The following ANK2 variants were observed in gnomAD, a reference collection of about 807,000 sequenced individuals.
The protein encoded by ANK2 is ankyrin-2.
In ANK2, 83 loss-of-function variants were observed where a neutral mutation model predicts 360.5. That is an observed-to-expected ratio of 0.23 (90% CI 0.19 to 0.28). The LOEUF is 0.28. Ranked by LOEUF, ANK2 falls within the 10% of genes least tolerant of loss-of-function variation. The probability of loss-of-function intolerance (pLI) is 1.00; values close to 1 mark genes in which losing one functional copy is unlikely to be tolerated. For missense variants in ANK2, 4,201 were observed against 4,795.7 expected (o/e 0.88, Z 3.66); for synonymous variants, 1,740 against 1,759.5 (o/e 0.99, Z 0.28).
rs187332434 is a variant in ANK2, at chr4:112,936,432, G to T, written c.21+31918G>T. Among the ~76,000 whole-genome samples the T allele has an allele frequency of 1.4e-3, 212 of 149,966 alleles. 1 individual carries two copies. The highest frequency in any genetic ancestry group is 4.8e-3 in the African/African-American group (197 of 40,692). On this transcript the variant is annotated intron_variant, in intron 2 of 30. Transcript: ENST00000503271. The stretch of plus-strand genomic sequence containing the variant: ...GTGATCTCAGCTCACTGCAGCCTCC[G>T]CCTCCGGCGTTCAAGCGATCCTCCT...
intron 2 of ANK2, chr4:112,980,073 T>C (rs7697334): frequency 0.28 from 42,830 of 151,902 alleles, 6,489 homozygotes; most frequent in East Asian, 0.43. Flanking sequence ...GGGTTACCTT[T>C]AGGCCCAGGC....
intron 2 of ANK2, among the ~76,000 whole-genome samples, chr4:112,939,383 C>T (rs961120287): frequency 3.3e-5 from 5 of 151,026 alleles, no homozygotes; most frequent in Admixed American, 6.6e-5. Context: ...GATCTCGGCT[C>T]GCTGCAGCCT....
chr4:113,326,272 T>A (rs2089834203), intron 26 of ANK2, among the ~76,000 whole-genome samples: 1 of 152,234 alleles, frequency 6.6e-6, no homozygotes, highest in African/African-American at 2.4e-5. Context: ...CTTACCCAAT[T>A]TTATATTATC....
chr4:112,845,567 G>C (rs560533366), intron 1 of ANK2, among the ~76,000 whole-genome samples: 2 of 152,160 alleles, frequency 1.3e-5, no homozygotes, highest in African/African-American at 4.8e-5. Flanking sequence ...GGGCAGGTAC[G>C]TGGAGCCCTC....
chr4:112,885,597 C>T (rs1486621998), intron 1 of ANK2, among the ~76,000 whole-genome samples: 2 of 151,492 alleles, frequency 1.3e-5, no homozygotes, highest in African/African-American at 2.4e-5. Context: ...GAGATTGACA[C>T]CATCCTGGCT....
rs565150464 is a variant in ANK2 at position 113,055,763 on chromosome 4, T to C, written c.84+5951T>C. ...CATACAGATGGTGCTGAAGAGACCA[T>C]AGACATTTTTCCTACTGTTCAACTA... is the stretch of plus-strand genomic sequence containing the variant. On this transcript the variant is annotated intron_variant, in intron 1 of 45. Coordinates refer to ENST00000357077, the MANE Select transcript of ANK2 (RefSeq NM_001148.6). Among the ~76,000 whole-genome samples, 7 of 152,312 alleles carry C rather than the reference T, an allele frequency of 4.6e-5. No homozygotes were observed. The East Asian group carries it at 1.3e-3, about 29-fold the overall frequency.
At chr4:112,759,652 C>G in the ANK2 span, among the ~76,000 whole-genome samples, 5 of 151,842 alleles carry the variant, frequency 3.3e-5, no homozygotes, top group Non-Finnish European at 5.9e-5. Flanking sequence ...TCTCTTTTAC[C>G]CTCCCATTTT....
At chr4:112,928,502 T>C (rs1360304970) in intron 2 of ANK2, among the ~76,000 whole-genome samples, 1 of 152,182 alleles carries the variant, frequency 6.6e-6, no homozygotes, top group Non-Finnish European at 1.5e-5. Flanking sequence ...TCTCTGAATT[T>C]CGTATGTCGA....
intron 4 of ANK2, among the ~76,000 whole-genome samples, chr4:113,199,572 G>A (rs756938687): frequency 5.9e-5 from 9 of 151,652 alleles, no homozygotes; most frequent in South Asian, 4.2e-4. Context: ...ATAATAAATA[G>A]GAAATGTATG....
intron 2 of ANK2, among the ~76,000 whole-genome samples, chr4:113,182,182 G>C (rs943919105): frequency 2.0e-5 from 3 of 152,082 alleles, no homozygotes; most frequent in African/African-American, 7.2e-5. Flanking sequence ...AGGCATGAGG[G>C]TTGAGGTCAC....
intron 7 of ANK2, among the ~76,000 whole-genome samples, chr4:113,239,957 G>A (rs1482765491): frequency 3.9e-5 from 6 of 152,276 alleles, no homozygotes; most frequent in Non-Finnish European, 2.9e-5. Flanking sequence ...TATCATGACA[G>A]TGTAAATGAT....
At chr4:113,179,380 A>G (rs2098334366) in intron 2 of ANK2, among the ~76,000 whole-genome samples, 1 of 152,158 alleles carries the variant, frequency 6.6e-6, no homozygotes, top group Non-Finnish European at 1.5e-5. Context: ...GATTCCTTAA[A>G]CTGAAATTTG....
chr4:112,904,273 CT>C (rs1212717158), intron 1 of ANK2, among the ~76,000 whole-genome samples: 4 of 152,112 alleles, frequency 2.6e-5, no homozygotes, highest in Non-Finnish European at 5.9e-5. Flanking sequence ...CTTTACTGAA[CT>C]CTTGAAATGT....
Position 112,927,542 on chromosome 4 carries a change from A to T in ANK2, c.21+23028A>T, listed in dbSNP as rs554729955. On this transcript the variant is annotated intron_variant, in intron 2 of 30. Transcript: ENST00000503271. The stretch of plus-strand genomic sequence containing the variant: ...TGCCCCTTTCAGAAGTTGAGACAAT[A>T]CATTCACAAGTCTTTCTCTGATATC... Among the ~76,000 whole-genome samples the T allele has an allele frequency of 2.0e-5, 3 of 152,340 alleles. No homozygotes were observed. The South Asian group carries it at 6.2e-4, about 32-fold the overall frequency.
At chr4:113,156,876 T>C (rs1456353463) in intron 1 of ANK2, among the ~76,000 whole-genome samples, 1 of 145,588 alleles carries the variant, frequency 6.9e-6, no homozygotes, top group Non-Finnish European at 1.5e-5. Flanking sequence ...AATATATGTG[T>C]GTGTGACACA....
Position 113,154,096 on chromosome 4 carries a change from C to G in ANK2, c.85-20320C>G, listed in dbSNP as rs372453295. Among the ~76,000 whole-genome samples the G allele has an allele frequency of 2.4e-3, 372 of 152,198 alleles. 2 individuals are homozygous for G. Among genetic ancestry groups the G allele is most frequent in the African/African-American group, 8.7e-3 (360 of 41,550 alleles). On this transcript the variant is annotated intron_variant, in intron 1 of 45. Coordinates refer to ENST00000357077, the MANE Select transcript of ANK2 (RefSeq NM_001148.6). Reference sequence around the variant, plus strand: ...TAGAGGCAATTAAAGTAGCTGAGACCACATGGGACATGTGGGAATGGAGGA... The same window carrying G: ...TAGAGGCAATTAAAGTAGCTGAGACGACATGGGACATGTGGGAATGGAGGA...
At chr4:112,906,303 G>C (rs2085182260) in intron 2 of ANK2, among the ~76,000 whole-genome samples, 1 of 152,180 alleles carries the variant, frequency 6.6e-6, no homozygotes, top group African/African-American at 2.4e-5. Flanking sequence ...GGAAGTTTCA[G>C]TAGAGAAGCA....
At chr4:112,980,964 C>T (rs980756805) in intron 2 of ANK2, among the ~76,000 whole-genome samples, 16 of 152,146 alleles carry the variant, frequency 1.1e-4, no homozygotes, top group Non-Finnish European at 5.9e-5. Flanking sequence ...AGAGAGGTTG[C>T]CCAAGAACTT....
At chr4:112,746,351 G>A in the ANK2 span, among the ~76,000 whole-genome samples, 1 of 151,966 alleles carries the variant, frequency 6.6e-6, no homozygotes, top group Admixed American at 6.6e-5. Context: ...TGTTTGGATT[G>A]TGGTGGTAGA....
Sources: gnomAD v4.1 joint callset for allele counts (sites outside exome capture counted in the v4.1 genomes callset) on GRCh38, gnomAD v4.1.1 for gene constraint, MANE v1.5 for transcripts, NCBI Gene and HGNC (gene_info 2026-07-23, HGNC 2026-07-21) for gene names.